Variants in PGCKA1 observed in about 807,000 individuals in gnomAD.
PGCKA1 encodes PDCD10 and GCKIII kinases associated 1, also known as PDCD10 and GCKIII kinases-associated protein 1.
the PGCKA1 span, among the ~76,000 whole-genome samples, chr4:37,568,192 G>A: frequency 6.6e-6 from 1 of 152,236 alleles, no homozygotes; most frequent in African/African-American, 2.4e-5. Flanking sequence ...CCTTCTAGTG[G>A]TATGATTCCA....
the PGCKA1 span, among the ~76,000 whole-genome samples, chr4:37,567,147 T>C: frequency 6.6e-6 from 1 of 152,158 alleles, no homozygotes; most frequent in Admixed American, 6.5e-5. Flanking sequence ...ATAACAACAT[T>C]AATAATACCT....
chr4:37,454,919 C>T, the PGCKA1 span, among the ~76,000 whole-genome samples: 2 of 152,140 alleles, frequency 1.3e-5, no homozygotes, highest in Middle Eastern at 6.3e-3. Context: ...TGGATATTTG[C>T]CCTGTGAATT....
chr4:37,580,076 T>C, the PGCKA1 span, among the ~76,000 whole-genome samples: 2,591 of 152,312 alleles, frequency 0.017, 23 homozygotes, highest in African/African-American at 0.036. Context: ...TGATGCATTC[T>C]TCAGTATGTC....
the PGCKA1 span, among the ~76,000 whole-genome samples, chr4:37,512,940 C>T: frequency 6.6e-6 from 1 of 151,936 alleles, no homozygotes; most frequent in East Asian, 1.9e-4. Flanking sequence ...AATACAAAAT[C>T]AGCTGGGCGT....
At chr4:37,546,259 A>G in the PGCKA1 span, among the ~76,000 whole-genome samples, 1 of 152,224 alleles carries the variant, frequency 6.6e-6, no homozygotes, top group Non-Finnish European at 1.5e-5. Flanking sequence ...TAAGAAAAAA[A>G]ACAAGGAAGT....
At chr4:37,510,933 C>T in the PGCKA1 span, among the ~76,000 whole-genome samples, 1 of 151,736 alleles carries the variant, frequency 6.6e-6, no homozygotes, top group Non-Finnish European at 1.5e-5. Context: ...ACAGCCATTC[C>T]CCTTCTTCCC....
chr4:37,481,621 G>T, the PGCKA1 span, among the ~76,000 whole-genome samples: 1 of 152,020 alleles, frequency 6.6e-6, no homozygotes, highest in African/African-American at 2.4e-5. Flanking sequence ...TGTGTTGTCT[G>T]CATGTTCTAA....
chr4:37,541,132 A>C, the PGCKA1 span, among the ~76,000 whole-genome samples: 1 of 152,014 alleles, frequency 6.6e-6, no homozygotes, highest in Non-Finnish European at 1.5e-5. Flanking sequence ...ATTATTATGA[A>C]CTGAAATCTC....
the PGCKA1 span, among the ~76,000 whole-genome samples, chr4:37,467,604 C>A: frequency 6.6e-6 from 1 of 152,122 alleles, no homozygotes; most frequent in Non-Finnish European, 1.5e-5. Context: ...AATGGGGTGG[C>A]CAAAGTCACA....
the PGCKA1 span, chr4:37,591,284 G>A: frequency 3.2e-6 from 1 of 309,196 alleles, no homozygotes. Context: ...TGAACAGCTT[G>A]CTTGACAACC....
the PGCKA1 span, among the ~76,000 whole-genome samples, chr4:37,573,083 T>C: frequency 1.3e-5 from 2 of 152,234 alleles, no homozygotes; most frequent in Non-Finnish European, 2.9e-5. Context: ...CATTTCAAAG[T>C]AAGTTGTGGA....
chr4:37,461,449 A>C, the PGCKA1 span, among the ~76,000 whole-genome samples: 1 of 151,970 alleles, frequency 6.6e-6, no homozygotes, highest in Non-Finnish European at 1.5e-5. Context: ...CCTATCCATG[A>C]GGATGGAATG....
At chr4:37,527,828 CAA>C in the PGCKA1 span, among the ~76,000 whole-genome samples, 1 of 143,182 alleles carries the variant, frequency 7.0e-6, no homozygotes, top group Non-Finnish European at 1.5e-5. Flanking sequence ...GACTCCGTCT[CAA>C]AAAAAAAAAA....
At chr4:37,468,473 T>A in the PGCKA1 span, among the ~76,000 whole-genome samples, 19 of 152,322 alleles carry the variant, frequency 1.2e-4, no homozygotes, top group East Asian at 5.8e-4. Flanking sequence ...TGTGTTAGGA[T>A]CTCACCTCTG....
chr4:37,519,845 T>A, the PGCKA1 span, among the ~76,000 whole-genome samples: 1 of 152,196 alleles, frequency 6.6e-6, no homozygotes, highest in Non-Finnish European at 1.5e-5. Context: ...TTCCAGTTCT[T>A]AGAAGAAAGG....
At chr4:37,573,435 G>C in the PGCKA1 span, among the ~76,000 whole-genome samples, 12 of 152,266 alleles carry the variant, frequency 7.9e-5, no homozygotes, top group Admixed American at 6.5e-4. Flanking sequence ...CCCATCCCCT[G>C]ACTCTCAGCT....
At chr4:37,549,269 C>T in the PGCKA1 span, among the ~76,000 whole-genome samples, 1 of 152,184 alleles carries the variant, frequency 6.6e-6, no homozygotes, top group African/African-American at 2.4e-5. Context: ...GGGCACTCTG[C>T]CAAATAACTG....
At chr4:37,453,671 G>A in the PGCKA1 span, among the ~76,000 whole-genome samples, 1 of 150,810 alleles carries the variant, frequency 6.6e-6, no homozygotes, top group Non-Finnish European at 1.5e-5. Flanking sequence ...AGTTTCCCGT[G>A]ATGGCAGGCG....
At chr4:37,555,904 G>T in the PGCKA1 span, among the ~76,000 whole-genome samples, 2 of 152,034 alleles carry the variant, frequency 1.3e-5, no homozygotes. Flanking sequence ...AACACTCCAT[G>T]GAAATCCTTG....
Sources: gnomAD v4.1 joint callset for allele counts (sites outside exome capture counted in the v4.1 genomes callset) on GRCh38, gnomAD v4.1.1 for gene constraint, MANE v1.5 for transcripts, NCBI Gene and HGNC (gene_info 2026-07-23, HGNC 2026-07-21) for gene names.